The following GNAL variants were observed in gnomAD, a reference collection of about 807,000 sequenced individuals.
GNAL encodes the protein G protein subunit alpha L.
A neutral mutation model predicts 55.1 loss-of-function variants in GNAL; 18 were observed. That is an observed-to-expected ratio of 0.33 (90% CI 0.23 to 0.48). The LOEUF is 0.48. Ranked by LOEUF, GNAL falls within the 20% of genes least tolerant of loss-of-function variation. The pLI, the probability that GNAL is intolerant of heterozygous loss-of-function variation, is 0.99. For missense variants in GNAL, 412 were observed against 614.1 expected, an observed-to-expected ratio of 0.67 and a Z score of 3.48; for synonymous variants, 253 against 237.0, an observed-to-expected ratio of 1.07 and a Z score of -0.62.
At chr18:11,851,081 A>G (rs763709041) in intron 5 of GNAL, among the ~76,000 whole-genome samples, 1 of 152,230 alleles carries the variant, frequency 6.6e-6, no homozygotes, top group African/African-American at 2.4e-5. Flanking sequence ...AAGCCTGCCA[A>G]GTTTGGAGCG....
chr18:11,747,206 A>G (rs926727270), intron 1 of GNAL: 1 of 385,808 alleles, frequency 2.6e-6, no homozygotes, highest in South Asian at 2.4e-5. Context: ...TGCCACCAGA[A>G]ATGAGAACTC....
intron 9 of GNAL, among the ~76,000 whole-genome samples, chr18:11,869,016 A>G (rs2036328981): frequency 7.0e-6 from 1 of 142,426 alleles, no homozygotes; most frequent in Non-Finnish European, 1.5e-5. Flanking sequence ...CAAAACACAC[A>G]CACATACCTA....
chr18:11,747,032 A>C (rs563990379), intron 1 of GNAL: 3 of 481,576 alleles, frequency 6.2e-6, no homozygotes, highest in African/African-American at 3.9e-5. Context: ...AGATGAACTT[A>C]TGCAGGGTTA....
rs752990960 is a variant in GNAL, at chr18:11,852,102, T to C, written c.723-10293T>C. 15 of 1,599,990 alleles carry C rather than the reference T, an allele frequency of 9.4e-6. No individual in the cohort carries two copies. In the East Asian group the frequency reaches 3.2e-4, roughly 34 times the overall value. On this transcript the variant is annotated intron_variant, in intron 5 of 11. Transcript: ENST00000334049. The stretch of plus-strand genomic sequence containing the variant: ...CTCAGAGACTGGCCCGCCTTCGGGA[T>C]CAAGTGTGACGGCAGAACCCGCTCT...
intron 1 of GNAL, among the ~76,000 whole-genome samples, chr18:11,716,165 A>G (rs1212154227): frequency 6.6e-6 from 1 of 152,196 alleles, no homozygotes; most frequent in Non-Finnish European, 1.5e-5. Context: ...TACCCAAAAG[A>G]ATATTGATAA....
chr18:11,732,638 A>G (rs531874633), intron 1 of GNAL, among the ~76,000 whole-genome samples: 6 of 152,342 alleles, frequency 3.9e-5, no homozygotes, highest in Non-Finnish European at 8.8e-5. Flanking sequence ...TATCATTTCA[A>G]TTGTGTTGTA....
chr18:11,851,443 C>G (rs936902227), intron 5 of GNAL: 23 of 1,456,582 alleles, frequency 1.6e-5, no homozygotes, highest in Non-Finnish European at 2.1e-5. Flanking sequence ...CGGGAGCGGA[C>G]TTACCTTACC....
At chr18:11,787,496 A>G (rs1458549963) in intron 4 of GNAL, among the ~76,000 whole-genome samples, 1 of 152,198 alleles carries the variant, frequency 6.6e-6, no homozygotes, top group Admixed American at 6.5e-5. Context: ...GATACAGAAC[A>G]TTTCAAGTGT....
rs139949571 is a variant in GNAL at position 11,749,215 on chromosome 18, A to G, written c.377-3638A>G. 1.1e-4 allele frequency among the ~76,000 whole-genome samples: 17 copies of G among 151,938 alleles called. No individual in the cohort carries two copies. The East Asian group carries it at 1.7e-3, about 16-fold the overall frequency. ...TGGGTTGATATTGCCACGTGTGAAT[A>G]TATGTCTTTACACACTCATAAGATG... is the stretch of plus-strand genomic sequence containing the variant. On this transcript the variant is annotated intron_variant, in intron 1 of 11. Coordinates refer to ENST00000334049, the MANE Select transcript of GNAL (RefSeq NM_182978.4).
At chr18:11,792,431 C>T (rs529009104) in intron 4 of GNAL, among the ~76,000 whole-genome samples, 1 of 152,320 alleles carries the variant, frequency 6.6e-6, no homozygotes, top group South Asian at 2.1e-4. Flanking sequence ...GGTGATCTGC[C>T]CGCCTTGGCC....
intron 11 of GNAL, among the ~76,000 whole-genome samples, chr18:11,880,507 G>C: frequency 6.9e-6 from 1 of 144,766 alleles, no homozygotes; most frequent in East Asian, 2.1e-4. Context: ...CCTGGGAGGT[G>C]GAGGTTGCAG....
chr18:11,851,890 G>C, intron 5 of GNAL: 1 of 1,613,906 alleles, frequency 6.2e-7, no homozygotes. Context: ...GACTCTGGAC[G>C]TCCAGACGCA....
intron 7 of GNAL, among the ~76,000 whole-genome samples, chr18:11,866,446 G>A (rs1005012185): frequency 6.6e-6 from 1 of 150,442 alleles, no homozygotes; most frequent in Non-Finnish European, 1.5e-5. Context: ...CAGAATCTGG[G>A]TAGGTAGAAA....
At chr18:11,865,906 C>G (rs2036253595) in intron 7 of GNAL, among the ~76,000 whole-genome samples, 1 of 149,232 alleles carries the variant, frequency 6.7e-6, no homozygotes, top group African/African-American at 2.6e-5. Flanking sequence ...TCTGACTCGA[C>G]TCTAAGGGAC....
At chr18:11,825,896 GAT>G (rs1050990047) in intron 5 of GNAL, among the ~76,000 whole-genome samples, 3 of 152,084 alleles carry the variant, frequency 2.0e-5, no homozygotes, top group African/African-American at 7.2e-5. Context: ...AGAAGTTCTA[GAT>G]ATGTTTGCTG....
chr18:11,831,423 G>A (rs2035381075), intron 5 of GNAL, among the ~76,000 whole-genome samples: 1 of 152,108 alleles, frequency 6.6e-6, no homozygotes, highest in Non-Finnish European at 1.5e-5. Flanking sequence ...CTCTCTCCAA[G>A]CCTGCAAATA....
intron 11 of GNAL, among the ~76,000 whole-genome samples, chr18:11,878,326 G>T (rs539585391): frequency 6.6e-6 from 1 of 152,070 alleles, no homozygotes; most frequent in Non-Finnish European, 1.5e-5. Context: ...TGGCACAGGC[G>T]TGTAGTCCCA....
At chr18:11,831,354 T>A (rs1327512042) in intron 5 of GNAL, among the ~76,000 whole-genome samples, 1 of 152,008 alleles carries the variant, frequency 6.6e-6, no homozygotes, top group Non-Finnish European at 1.5e-5. Flanking sequence ...GGTCAGAATA[T>A]GTGTTTATAA....
At chr18:11,722,354 A>G (rs1267222030) in intron 1 of GNAL, among the ~76,000 whole-genome samples, 1 of 152,106 alleles carries the variant, frequency 6.6e-6, no homozygotes. Context: ...TTTTCTGACC[A>G]TTGCTTTTCT....
Sources: gnomAD v4.1 joint callset for allele counts (sites outside exome capture counted in the v4.1 genomes callset) on GRCh38, gnomAD v4.1.1 for gene constraint, MANE v1.5 for transcripts, NCBI Gene and HGNC (gene_info 2026-07-23, HGNC 2026-07-21) for gene names.